Variants in CNTNAP5 observed in about 807,000 individuals in gnomAD.
CNTNAP5 encodes the protein contactin associated protein family member 5, also known as contactin-associated protein-like 5.
A neutral mutation model predicts 150.2 loss-of-function variants in CNTNAP5; 72 were observed. The ratio of observed to expected loss-of-function variants is 0.48; its 90% CI spans 0.40 to 0.58. The LOEUF is 0.58. Ranked by LOEUF, CNTNAP5 falls within the 20% of genes least tolerant of loss-of-function variation. The probability of loss-of-function intolerance (pLI) is 0.00; values close to 1 mark genes in which losing one functional copy is unlikely to be tolerated. For synonymous variants in CNTNAP5, 672 were observed against 619.8 expected, an observed-to-expected ratio of 1.08 and a Z score of -1.25; for missense variants, 1,636 against 1,626.2, an observed-to-expected ratio of 1.01 and a Z score of -0.10.
chr2:124,743,072 T>A (rs541997441), intron 13 of CNTNAP5, among the ~76,000 whole-genome samples: 28 of 152,090 alleles, frequency 1.8e-4, no homozygotes, highest in African/African-American at 6.0e-4. Context: ...ATAGACAGAG[T>A]TTTTCCCCAT....
intron 16 of CNTNAP5, among the ~76,000 whole-genome samples, chr2:124,765,423 A>C (rs1482321665): frequency 6.6e-6 from 1 of 151,856 alleles, no homozygotes. Flanking sequence ...CTAGCACAGT[A>C]ATTATACAGA....
At chr2:124,685,370 T>C (rs1452041300) in intron 13 of CNTNAP5, among the ~76,000 whole-genome samples, 1 of 152,174 alleles carries the variant, frequency 6.6e-6, no homozygotes, top group Non-Finnish European at 1.5e-5. Flanking sequence ...TATTTCTTAG[T>C]ACCCACATAG....
intron 10 of CNTNAP5, among the ~76,000 whole-genome samples, chr2:124,527,671 T>C (rs2104890738): frequency 6.6e-6 from 1 of 152,280 alleles, no homozygotes; most frequent in East Asian, 1.9e-4. Flanking sequence ...TTGCAGTAAA[T>C]GGGATATGCA....
intron 12 of CNTNAP5, among the ~76,000 whole-genome samples, chr2:124,639,669 G>A (rs2105018259): frequency 6.6e-6 from 1 of 152,212 alleles, no homozygotes; most frequent in South Asian, 2.1e-4. Flanking sequence ...CACAAGAACT[G>A]TTTATTATGA....
chr2:124,464,785 A>T (rs1485527993), intron 6 of CNTNAP5, among the ~76,000 whole-genome samples: 1 of 152,194 alleles, frequency 6.6e-6, no homozygotes, highest in African/African-American at 2.4e-5. Context: ...CTTGACTAGT[A>T]TCCCAAAGGC....
At chr2:124,191,880 C>T (rs1685465225) in intron 1 of CNTNAP5, among the ~76,000 whole-genome samples, 1 of 149,828 alleles carries the variant, frequency 6.7e-6, no homozygotes, top group Non-Finnish European at 1.5e-5. Flanking sequence ...GCCTGGGCAA[C>T]AGAGCGAGAC....
intron 3 of CNTNAP5, among the ~76,000 whole-genome samples, chr2:124,382,481 A>T (rs762994994): frequency 6.6e-6 from 1 of 152,122 alleles, no homozygotes; most frequent in Non-Finnish European, 1.5e-5. Context: ...TGAACAATAC[A>T]TTTGAGTCTC....
chr2:124,349,397 G>T (rs981107300), intron 3 of CNTNAP5, among the ~76,000 whole-genome samples: 5 of 152,106 alleles, frequency 3.3e-5, no homozygotes, highest in African/African-American at 9.7e-5. Context: ...ATCTGTCTTG[G>T]ACCAAAACGT....
intron 11 of CNTNAP5, among the ~76,000 whole-genome samples, chr2:124,578,261 C>T (rs1195038441): frequency 6.8e-6 from 1 of 146,556 alleles, no homozygotes; most frequent in Non-Finnish European, 1.5e-5. Context: ...ACTCGGGAGG[C>T]ATAGGCTGCA....
chr2:124,062,662 C>A (rs1682043624), intron 1 of CNTNAP5, among the ~76,000 whole-genome samples: 1 of 152,086 alleles, frequency 6.6e-6, no homozygotes, highest in African/African-American at 2.4e-5. Context: ...TGACAGGTGT[C>A]ATAAGAAGTT....
At chr2:124,850,877 C>T (rs1412466215) in intron 19 of CNTNAP5, among the ~76,000 whole-genome samples, 2 of 151,860 alleles carry the variant, frequency 1.3e-5, no homozygotes, top group East Asian at 1.9e-4. Context: ...AAGGAAAATT[C>T]GATTTATCAA....
chr2:124,359,383 T>C (rs1379489514), intron 3 of CNTNAP5, among the ~76,000 whole-genome samples: 1 of 151,994 alleles, frequency 6.6e-6, no homozygotes, highest in African/African-American at 2.4e-5. Flanking sequence ...TCTCGTTCTT[T>C]TAATTGTGAT....
In CNTNAP5 at chr2:124,081,374, T is replaced by A. The variant is rs1359554697; in HGVS notation, c.82+55642T>A. Among the ~76,000 whole-genome samples, 4 of 152,180 alleles carry A rather than the reference T, an allele frequency of 2.6e-5. 1 individual carries two copies. Among genetic ancestry groups the A allele is most frequent in the African/African-American group, 7.2e-5 (3 of 41,454 alleles). ...ACATTTTTCTTCCTCAGGGGAAATATCTATAACTTCCTTAACTGTTTCTTA... is the reference window on the plus strand; with the variant it reads ...ACATTTTTCTTCCTCAGGGGAAATAACTATAACTTCCTTAACTGTTTCTTA... On this transcript the variant is annotated intron_variant, in intron 1 of 23. Coordinates refer to ENST00000682447, the MANE Select transcript of CNTNAP5 (RefSeq NM_001367498.1).
chr2:124,151,935 A>C (rs1205476482), intron 1 of CNTNAP5, among the ~76,000 whole-genome samples: 1 of 152,234 alleles, frequency 6.6e-6, no homozygotes, highest in Non-Finnish European at 1.5e-5. Flanking sequence ...AGGAAATTAC[A>C]ACTTCTTAAG....
chr2:124,555,711 G>T (rs1048726998), intron 10 of CNTNAP5, among the ~76,000 whole-genome samples: 2 of 152,122 alleles, frequency 1.3e-5, no homozygotes, highest in African/African-American at 4.8e-5. Flanking sequence ...ACTTACACAG[G>T]CTCAGGACAC....
chr2:124,361,747 T>C (rs916938801), intron 3 of CNTNAP5, among the ~76,000 whole-genome samples: 4 of 151,912 alleles, frequency 2.6e-5, no homozygotes, highest in Non-Finnish European at 5.9e-5. Context: ...CTGCAGAGGT[T>C]ACTACTGTCT....
At chr2:124,207,796 G>A (rs1685899027) in intron 1 of CNTNAP5, among the ~76,000 whole-genome samples, 1 of 152,138 alleles carries the variant, frequency 6.6e-6, no homozygotes, top group Non-Finnish European at 1.5e-5. Flanking sequence ...TGCATAATTT[G>A]AAGGGTTTGG....
At chr2:124,550,648 T>C (rs1347106902) in intron 10 of CNTNAP5, among the ~76,000 whole-genome samples, 1 of 152,090 alleles carries the variant, frequency 6.6e-6, no homozygotes, top group Non-Finnish European at 1.5e-5. Context: ...CAACCAGATT[T>C]CTCTCCCATT....
chr2:124,214,351 C>T (rs1378295669), intron 1 of CNTNAP5, among the ~76,000 whole-genome samples: 1 of 152,168 alleles, frequency 6.6e-6, no homozygotes, highest in Non-Finnish European at 1.5e-5. Flanking sequence ...CTTGTTAGCC[C>T]TGGACAGCAC....
Sources: gnomAD v4.1 joint callset for allele counts (sites outside exome capture counted in the v4.1 genomes callset) on GRCh38, gnomAD v4.1.1 for gene constraint, MANE v1.5 for transcripts, NCBI Gene and HGNC (gene_info 2026-07-23, HGNC 2026-07-21) for gene names.